KIFC3: variants seen among roughly 807,000 people sequenced by gnomAD.
The protein encoded by KIFC3 is kinesin family member C3.
A neutral mutation model predicts 101.8 loss-of-function variants in KIFC3; 60 were observed. The ratio of observed to expected loss-of-function variants is 0.59; its 90% CI spans 0.48 to 0.73. KIFC3 has a LOEUF of 0.73. KIFC3 is among the 30% of genes least tolerant of loss of function. KIFC3 has a pLI of 0.00. For synonymous variants in KIFC3, 476 were observed against 482.7 expected (o/e 0.99, Z 0.18); for missense variants, 966 against 1,137.1 (o/e 0.85, Z 2.16).
intron 1 of KIFC3, among the ~76,000 whole-genome samples, chr16:57,847,771 T>TGTGTGC (rs1311062693): frequency 2.1e-5 from 3 of 142,562 alleles, no homozygotes; most frequent in South Asian, 4.2e-4. Context: ...TGTGTGTGTG[T>TGTGTGC]GTGTGTGTGT....
At chr16:57,795,281 C>A in intron 2 of KIFC3, 140 bp from the exon 3 acceptor site, 1 of 1,027,558 alleles carries the variant, frequency 9.7e-7, no homozygotes, top group South Asian at 1.7e-5. Flanking sequence ...GAGGGGCTCA[C>A]ACACCCAAAA....
At chr16:57,767,714 G>A (rs1308450814) in intron 9 of KIFC3, among the ~76,000 whole-genome samples, 3 of 152,054 alleles carry the variant, frequency 2.0e-5, no homozygotes, top group African/African-American at 7.2e-5. Flanking sequence ...TGGATGTGGT[G>A]GAAACTCATT....
At chr16:57,803,040 C>A, upstream of KIFC3, 1 of 1,535,852 alleles carries the variant, frequency 6.5e-7, no homozygotes, top group Non-Finnish European at 8.7e-7. Context: ...AGCGCACACG[C>A]TCTCACTCGC....
At position 57,796,492 on chromosome 16, in the gene KIFC3, T is replaced by A. The variant is rs2054330321; in HGVS notation, c.173-1351A>T. Among the ~76,000 whole-genome samples, 3 of 152,250 alleles carry A rather than the reference T, an allele frequency of 2.0e-5. No individual in the cohort carries two copies. The South Asian group carries it at 6.2e-4, about 32-fold the overall frequency. On this transcript the variant is annotated intron_variant, in intron 2 of 19. Coordinates refer to ENST00000445690, the MANE Select transcript of KIFC3 (RefSeq NM_001130100.2). The stretch of plus-strand genomic sequence containing the variant: ...TCAAATCCCATGTGCTAATCAACCC[T>A]CTGCCAGCCAATTCTCAGGGTGGCA...
intron 1 of KIFC3, among the ~76,000 whole-genome samples, chr16:57,836,490 C>T (rs1271009373): frequency 6.6e-6 from 1 of 152,060 alleles, no homozygotes; most frequent in African/African-American, 2.4e-5. Context: ...AAGAGCTAAG[C>T]CTCTGGGCAG....
chr16:57,859,543 A>T (rs1441613187), intron 1 of KIFC3, among the ~76,000 whole-genome samples: 1 of 152,166 alleles, frequency 6.6e-6, no homozygotes, highest in African/African-American at 2.4e-5. Context: ...CAGGGGGCTC[A>T]TTCATTCCTG....
At chr16:57,806,678 A>G (rs2054945943), upstream of KIFC3, among the ~76,000 whole-genome samples, 2 of 152,222 alleles carry the variant, frequency 1.3e-5, no homozygotes, top group African/African-American at 4.8e-5. Flanking sequence ...GATAATTTCT[A>G]CCAAAAGGAA....
At chr16:57,771,126 C>T (rs879967877) in intron 6 of KIFC3, 72 bp downstream of exon 6, 5 of 1,573,588 alleles carry the variant, frequency 3.2e-6, no homozygotes, top group African/African-American at 1.3e-5. Flanking sequence ...ACAAGCCCCC[C>T]TTATGGGCTA....
chr16:57,762,229 C>A lies in KIFC3; in HGVS notation c.1659G>T (p.Gln553His). 1.2e-6 allele frequency: 2 copies of A among 1,601,536 alleles called. No individual in the cohort carries two copies. Among genetic ancestry groups the A allele is most frequent in the Non-Finnish European group, 1.7e-6 (2 of 1,175,106 alleles). The change falls in exon 13 of 20, where the codon CAG (glutamine) becomes CAT (histidine). Residue 553 changes from glutamine (Q) to histidine (H), a missense_variant. Gln to His is a conservative substitution (Grantham distance 24). This residue lies in a region of KIFC3 where 689 missense variants were observed against 884.6 expected (regional missense o/e 0.78). Coordinates refer to ENST00000445690, the MANE Select transcript of KIFC3 (RefSeq NM_001130100.2). Reference protein sequence around the residue: ...ENPGINQRALQLLFSEVQEKA... With the variant: ...ENPGINQRALHLLFSEVQEKA... ...TCTCCTGCACCTCGGAGAAGAGCAG[C>A]TGCAGGGCCCGCTGGTTGATACCTG...
At chr16:57,793,687 G>C (rs1216754782) in intron 3 of KIFC3, among the ~76,000 whole-genome samples, 1 of 151,126 alleles carries the variant, frequency 6.6e-6, no homozygotes, top group Non-Finnish European at 1.5e-5. Flanking sequence ...AAATTAGCCA[G>C]GTGTGATGAT....
chr16:57,806,009 G>T (rs1342831212), upstream of KIFC3, among the ~76,000 whole-genome samples: 1 of 152,114 alleles, frequency 6.6e-6, no homozygotes, highest in East Asian at 1.9e-4. Context: ...AAAGTGCTGG[G>T]ATTACAAGCA....
At chr16:57,767,252 C>T (rs782055328) in intron 9 of KIFC3, among the ~76,000 whole-genome samples, 3 of 152,256 alleles carry the variant, frequency 2.0e-5, no homozygotes, top group Non-Finnish European at 4.4e-5. Context: ...CAGCCCTCCA[C>T]ACCACAGCAC....
intron 3 of KIFC3, among the ~76,000 whole-genome samples, chr16:57,783,082 AAAT>A (rs1205629812): frequency 2.0e-5 from 3 of 152,270 alleles, no homozygotes; most frequent in Non-Finnish European, 4.4e-5. Flanking sequence ...GCTGGGGCTC[AAAT>A]AACTAAAAAG....
chr16:57,792,336 G>A (rs1253769686), intron 3 of KIFC3, among the ~76,000 whole-genome samples: 6 of 151,702 alleles, frequency 4.0e-5, no homozygotes, highest in Non-Finnish European at 7.4e-5. Flanking sequence ...ACTCTCTGGC[G>A]CCTCTGCTAG....
At position 57,765,476 on chromosome 16, in the gene KIFC3, G is replaced by T. The variant is rs782626954; in HGVS notation, c.1495C>A (p.Gln499Lys). The stretch of plus-strand genomic sequence containing the variant: ...ACACTCACGTCCTGCTGCGAGGCCT[G>T]TGGGGAGAAGACCTTGTCCAGCTCG... ...SFELDKVFSP[Q>K]ASQQDVFQEV... Residue 499 changes from glutamine to lysine, a missense_variant, in exon 11 of 20, where the codon CAG becomes AAG. Transcript: ENST00000445690. 15 of 1,584,610 alleles carry T rather than the reference G, an allele frequency of 9.5e-6. No individual in the cohort carries two copies. In the East Asian group the frequency reaches 3.4e-4, roughly 36 times the overall value.
At chr16:57,847,239 GA>G (rs1567339267) in intron 1 of KIFC3, among the ~76,000 whole-genome samples, 3 of 101,318 alleles carry the variant, frequency 3.0e-5, no homozygotes, top group African/African-American at 1.4e-4. Flanking sequence ...AGGAAGGAAG[GA>G]AGGAAGGAAG....
rs147713548 is a variant in KIFC3, at chr16:57,758,459, C to T, written c.*475G>A. The T allele has an allele frequency of 2.0e-4, 77 of 389,428 alleles. 1 individual carries two copies. In the East Asian group the frequency reaches 4.5e-3, roughly 23 times the overall value. The allele number at this position is 389,428 out of a possible 1,614,324, so 24.1% of individuals were successfully genotyped here. On this transcript the variant is annotated 3_prime_UTR_variant, in exon 20 of 20. Coordinates refer to ENST00000445690, the MANE Select transcript of KIFC3 (RefSeq NM_001130100.2). ...GGGAACCCTCCTTGAAGGAGAGGGG[C>T]GGGGAGGGCTGCCATTGGTGCCACC...
chr16:57,798,140 G>A lies in KIFC3; in HGVS notation c.104C>T (p.Pro35Leu), dbSNP rs1555623884. 15 of 1,554,666 alleles carry A rather than the reference G, an allele frequency of 9.6e-6. No homozygotes were observed. In the South Asian group the frequency reaches 1.8e-4, roughly 18 times the overall value. Residue 35 changes from proline to leucine, a missense_variant, in exon 2 of 20, where the codon CCC (proline) becomes CTC (leucine). Physicochemically the swap from Pro to Leu is moderately conservative, Grantham distance 98. Transcript: ENST00000445690. ...APEPEPGMAR[P>L]APAPASPAAR... is the part of the protein sequence containing the mutation. ...GGCCGGGCTGGCTGGGGCTGGGGCG[G>A]GGCGAGCCATCCCCGGCTCGGGCTC...
chr16:57,759,516 C>T, intron 18 of KIFC3: 1 of 582,164 alleles, frequency 1.7e-6, no homozygotes, highest in Non-Finnish European at 3.0e-6. Context: ...TGCCCCCTTC[C>T]CACAGACCTT....
Sources: gnomAD v4.1 joint callset for allele counts (sites outside exome capture counted in the v4.1 genomes callset) on GRCh38, gnomAD v4.1.1 for gene constraint, gnomAD v4.1.1 regional missense constraint, MANE v1.5 for transcripts, NCBI Gene and HGNC (gene_info 2026-07-23, HGNC 2026-07-21) for gene names.